Variants in DNAH2 observed in about 807,000 individuals in gnomAD.
DNAH2 encodes dynein axonemal heavy chain 2.
In DNAH2, 323 loss-of-function variants were observed where a neutral mutation model predicts 523.5. The observed-to-expected ratio is 0.62, with a 90% CI of 0.56 to 0.68. The LOEUF is 0.68. Ranked by LOEUF, DNAH2 falls within the 30% of genes least tolerant of loss-of-function variation. DNAH2 has a pLI of 0.00. For missense variants in DNAH2, 4,907 were observed against 5,701.5 expected (o/e 0.86, Z 4.49); for synonymous variants, 2,093 against 2,177.4 (o/e 0.96, Z 1.08).
chr17:7,752,908 A>G (rs1182925297), intron 12 of DNAH2, among the ~76,000 whole-genome samples: 1 of 152,126 alleles, frequency 6.6e-6, no homozygotes, highest in African/African-American at 2.4e-5. Context: ...ATGAAAAACC[A>G]ATTTCTGGCC....
At position 7,793,218 on chromosome 17, in the gene DNAH2, A is replaced by G. The variant is rs763795000; in HGVS notation, c.7569+13A>G. The G allele has an allele frequency of 1.6e-5, 26 of 1,610,780 alleles. No individual in the cohort carries two copies. Among genetic ancestry groups the G allele is most frequent in the Middle Eastern group, 1.7e-4 (1 of 6,048 alleles). Reference sequence around the variant, plus strand: ...CAAGTACATTCGAGTAAGCCTCGCTAGAGTCTGTTCTTCAGGCCTCTGCTC... The same window carrying G: ...CAAGTACATTCGAGTAAGCCTCGCTGGAGTCTGTTCTTCAGGCCTCTGCTC... On this transcript the variant is annotated intron_variant, in intron 48 of 85. Transcript: ENST00000572933.
chr17:7,754,517 G>T lies in DNAH2; in HGVS notation c.1905-2574G>T. ...GACTCCAAGTTCCTGAGGAACATGC[G>T]CTTTGCCAAGAAGCACAAAAGAAGG... On this transcript the variant is annotated intron_variant, in intron 12 of 85. Transcript: ENST00000572933. This position sits in a 1 kb window ranked among gnomAD's most constrained non-coding sequence, Gnocchi z 4.6. The T allele has an allele frequency of 1.1e-6, 1 of 933,358 alleles. No individual in the cohort carries two copies. Among genetic ancestry groups the T allele is most frequent in the South Asian group, 1.4e-5 (1 of 70,034 alleles). 57.8% of individuals were successfully genotyped at this position (933,358 alleles called of 1,614,324 possible).
In DNAH2 at chr17:7,788,227, G is replaced by C. The variant is rs941798376; in HGVS notation, c.6883G>C (p.Ala2295Pro). ...TSLCKLYSAL[A>P]TPENGVNPAD... is the part of the protein sequence containing the mutation. ...CCTCTGCAAGCTGTACTCTGCCCTGGCCACGCCAGAGAATGGGGTAAGGGG... is the reference window on the plus strand; with the variant it reads ...CCTCTGCAAGCTGTACTCTGCCCTGCCCACGCCAGAGAATGGGGTAAGGGG... Residue 2295 changes from alanine to proline, a missense_variant, in exon 44 of 86, where the codon GCC (alanine) becomes CCC (proline). Transcript: ENST00000572933. The C allele has an allele frequency of 6.3e-7, 1 of 1,594,234 alleles. No individual in the cohort carries two copies. Among genetic ancestry groups the C allele is most frequent in the African/African-American group, 1.3e-5 (1 of 74,722 alleles).
Position 7,830,446 on chromosome 17 carries a change from G to T in DNAH2, c.12000G>T (p.Gln4000His). ...SVLLERKKFL[Q>H]LGWNIIYGFN... ...TACTTGAACGCAAAAAGTTCCTGCA[G>T]CTTGGCTGGAACATCATCTATGGCT... Residue 4000 changes from glutamine (Q) to histidine (H), a missense_variant, in exon 78 of 86, where the codon CAG becomes CAT. Coordinates refer to ENST00000572933, the MANE Select transcript of DNAH2 (RefSeq NM_020877.5). The T allele has an allele frequency of 1.2e-6, 2 of 1,614,214 alleles. No individual in the cohort carries two copies. The highest frequency in any genetic ancestry group is 2.2e-5 in the South Asian group (2 of 91,084).
intron 73 of DNAH2, among the ~76,000 whole-genome samples, chr17:7,822,758 G>C (rs557733067): frequency 6.6e-6 from 1 of 152,128 alleles, no homozygotes; most frequent in Admixed American, 6.6e-5. Flanking sequence ...CATAGTTGGC[G>C]AACAATAAAT....
At chr17:7,785,865 G>A (rs1042296448) in intron 39 of DNAH2, among the ~76,000 whole-genome samples, 9 of 152,118 alleles carry the variant, frequency 5.9e-5, no homozygotes, top group African/African-American at 2.2e-4. Flanking sequence ...TGTCAATGAG[G>A]AAACTGAGGC....
At position 7,817,613 on chromosome 17, in the gene DNAH2, T is replaced by C. The variant is rs772443064; in HGVS notation, c.10073T>C (p.Leu3358Pro). Residue 3358 changes from leucine (L) to proline (P), a missense_variant, in exon 66 of 86, where the codon CTG becomes CCG. Coordinates refer to ENST00000572933, the MANE Select transcript of DNAH2 (RefSeq NM_020877.5). The part of the protein sequence containing the change: ...CSPSFAIDNF[L>P]CNPTKVRDWN... ...CCTTCTTTCGCCATCGATAACTTCCTGTGCAATCCTACCAAAGTCCGGGAC... is the reference window on the plus strand; with the variant it reads ...CCTTCTTTCGCCATCGATAACTTCCCGTGCAATCCTACCAAAGTCCGGGAC... 1 of 1,614,192 alleles carries C rather than the reference T, an allele frequency of 6.2e-7. No homozygotes were observed. Among genetic ancestry groups the C allele is most frequent in the Non-Finnish European group, 8.5e-7 (1 of 1,180,024 alleles).
At chr17:7,794,752 CTTTT>C (rs764592403) in intron 49 of DNAH2, among the ~76,000 whole-genome samples, 11 of 125,236 alleles carry the variant, frequency 8.8e-5, no homozygotes, top group Non-Finnish European at 8.4e-5. Flanking sequence ...TTAACACTTC[CTTTT>C]TTTTTTTTTT....
At chr17:7,750,368 TG>T (rs2075650518) in intron 12 of DNAH2, among the ~76,000 whole-genome samples, 1 of 152,232 alleles carries the variant, frequency 6.6e-6, no homozygotes, top group Non-Finnish European at 1.5e-5. Flanking sequence ...TTTCAAGGCC[TG>T]TTACAAAGCA....
In DNAH2 at chr17:7,757,155, T is replaced by TA. The variant is rs746360520; in HGVS notation, c.1970dup (p.Tyr657Ter). ...GCGGCTGCTGTTTGAGACGCCCCAT[T>TA]ACGTGGTGAACGTAGCTGAGCGAGC... is the stretch of plus-strand genomic sequence containing the variant. ...WERLLFETPH[Y>*]VVNVAERAED... is the part of the protein sequence containing the mutation. Residue 657 changes from tyrosine to a stop codon, truncating the protein, a stop_gained and frameshift_variant, in exon 13 of 86, where the codon TAC becomes TAAC. Transcript: ENST00000572933. LOFTEE classifies it high-confidence loss of function. 6 of 1,614,076 alleles carry TA rather than the reference T, an allele frequency of 3.7e-6. No individual in the cohort carries two copies. The highest frequency in any genetic ancestry group is 5.1e-6 in the Non-Finnish European group (6 of 1,180,024).
In DNAH2 at chr17:7,801,704, G is replaced by A. The variant is rs970636412; in HGVS notation, c.8826G>A (p.Gln2942=). The change falls in exon 57 of 86, where the codon CAG becomes CAA. Residue 2942 remains glutamine, a synonymous_variant. Transcript: ENST00000572933. Reference sequence around the variant, plus strand: ...TCATAGGAGTAGACCTGGGAACTCAGGAGAATGTGAGCCCCTCCTCCCCAC... The same window carrying A: ...TCATAGGAGTAGACCTGGGAACTCAAGAGAATGTGAGCCCCTCCTCCCCAC... ...KCLIGVDLGT[Q]ENIHRKVAQI... is the part of the protein sequence containing the mutation. 12 of 1,613,964 alleles carry A rather than the reference G, an allele frequency of 7.4e-6. No homozygotes were observed. Among genetic ancestry groups the A allele is most frequent in the African/African-American group, 2.7e-5 (2 of 74,896 alleles).
chr17:7,800,693 C>A (rs894005332), intron 56 of DNAH2, among the ~76,000 whole-genome samples: 1 of 149,982 alleles, frequency 6.7e-6, no homozygotes, highest in Non-Finnish European at 1.5e-5. Context: ...GGTGAAACCC[C>A]GTCTCTACTA....
Position 7,833,566 on chromosome 17 carries a change from G to A in DNAH2, c.*33G>A, listed in dbSNP as rs1199001003. 1.2e-6 allele frequency: 2 copies of A among 1,610,118 alleles called. No individual in the cohort carries two copies. The highest frequency in any genetic ancestry group is 4.5e-5 in the East Asian group (2 of 44,868). ...TCCTCTTCTCCGCTTGAGAGAGAGG[G>A]TCAGGGACTCCAGGAGCTAAGACAG... On this transcript the variant is annotated 3_prime_UTR_variant, in exon 86 of 86. Transcript: ENST00000572933.
At chr17:7,733,035 G>T in intron 4 of DNAH2, 52 bp from the exon 5 acceptor site, 2 of 1,583,746 alleles carry the variant, frequency 1.3e-6, no homozygotes, top group Non-Finnish European at 1.7e-6. Context: ...TTGTGACTGG[G>T]TGTCATGGCT....
intron 53 of DNAH2, 138 bp downstream of exon 53, chr17:7,797,967 C>A: frequency 1.4e-6 from 2 of 1,403,918 alleles, no homozygotes; most frequent in Non-Finnish European, 9.6e-7. Context: ...TGCCCTGTGG[C>A]AGTGTGTGTT....
chr17:7,833,226 G>A lies in DNAH2; in HGVS notation c.13129+5G>A, dbSNP rs1567776365. The A allele has an allele frequency of 2.5e-6, 4 of 1,606,786 alleles. No homozygotes were observed. Among genetic ancestry groups the A allele is most frequent in the Admixed American group, 1.7e-5 (1 of 60,030 alleles). The stretch of plus-strand genomic sequence containing the variant: ...GCCGCAAGAAGAGCGCCAAGGGTGG[G>A]ACAGCTCCCCAGGCAGGACCTGCCT... On this transcript the variant is annotated splice_donor_5th_base_variant and intron_variant, in intron 85 of 85. Transcript: ENST00000572933.
intron 58 of DNAH2, among the ~76,000 whole-genome samples, chr17:7,803,101 A>G (rs945977860): frequency 6.6e-6 from 1 of 152,162 alleles, no homozygotes; most frequent in African/African-American, 2.4e-5. Context: ...TCCAGGGGAC[A>G]CTGGCTGGGT....
chr17:7,757,731 A>T (rs952236830), intron 13 of DNAH2, among the ~76,000 whole-genome samples: 3 of 152,140 alleles, frequency 2.0e-5, no homozygotes, highest in Admixed American at 1.3e-4. Context: ...AACAACAAAC[A>T]TTTATTTCTC....
At chr17:7,800,722 A>C (rs55706582) in intron 56 of DNAH2, among the ~76,000 whole-genome samples, 30 of 150,472 alleles carry the variant, frequency 2.0e-4, no homozygotes, top group Non-Finnish European at 3.1e-4. Flanking sequence ...AAAAAATTAG[A>C]TGGGCATGGT....
Sources: gnomAD v4.1 joint callset for allele counts (sites outside exome capture counted in the v4.1 genomes callset) on GRCh38, gnomAD v4.1.1 for gene constraint, Gnocchi (gnomAD v3.1) non-coding constraint, MANE v1.5 for transcripts, NCBI Gene and HGNC (gene_info 2026-07-23, HGNC 2026-07-21) for gene names.